The following LTC4S variants were observed in gnomAD, a reference collection of about 807,000 sequenced individuals.
LTC4S encodes the protein LTC4 synthase.
A neutral mutation model predicts 19.6 loss-of-function variants in LTC4S; 18 were observed. The observed-to-expected ratio is 0.92, with a 90% confidence interval of 0.64 to 1.36. LTC4S has a LOEUF of 1.36. LTC4S is among the 40% of genes most tolerant of loss of function. The probability of loss-of-function intolerance (pLI) is 0.00; values close to 1 mark genes in which losing one functional copy is unlikely to be tolerated. For missense variants in LTC4S, 235 were observed against 212.2 expected (o/e 1.11, Z -0.67); for synonymous variants, 126 against 110.1 (o/e 1.14, Z -0.91).
intron 4 of LTC4S, 108 bp downstream of exon 4, chr5:179,796,130 C>A (rs1756614777): frequency 1.6e-6 from 2 of 1,270,800 alleles, no homozygotes; most frequent in East Asian, 3.0e-5. Flanking sequence ...CGGAGCCCAG[C>A]GCCTTTGGGG....
rs201270274 is a variant in LTC4S at position 179,795,601 on chromosome 5, G to T, written c.76G>T (p.Val26Leu). Reference protein sequence around the residue: ...VLLQAYFSLQVISARRAFRVS... With the variant: ...VLLQAYFSLQLISARRAFRVS... Reference sequence around the variant, plus strand: ...TCCCCCAGCCTACTTCTCCCTGCAGGTGATCTCGGCGCGCAGGGCCTTCCG... The same window carrying T: ...TCCCCCAGCCTACTTCTCCCTGCAGTTGATCTCGGCGCGCAGGGCCTTCCG... The change falls in exon 2 of 5, where the codon GTG becomes TTG. Residue 26 changes from valine to leucine, a missense_variant. Physicochemically the swap from Val to Leu is conservative, Grantham distance 32 (BLOSUM62 1). Transcript: ENST00000292596. 287 of 1,610,296 alleles carry T rather than the reference G, an allele frequency of 1.8e-4. No homozygotes were observed. In the African/African-American group the frequency reaches 3.3e-3, roughly 19 times the overall value.
In LTC4S at chr5:179,795,860, G is replaced by C. The variant is rs1160899822; in HGVS notation, c.229+4G>C. 1 of 1,605,462 alleles carries C rather than the reference G, an allele frequency of 6.2e-7. No individual in the cohort carries two copies. The highest frequency in any genetic ancestry group is 1.1e-5 in the South Asian group (1 of 90,414). ...GCCGGCATCTTCTTTCATGAAGGTC[G>C]GGGTGTGGGGCAGGGGCGCACGCGC... is the stretch of plus-strand genomic sequence containing the variant. On this transcript the variant is annotated splice_donor_region_variant and intron_variant, in intron 3 of 4. Coordinates refer to ENST00000292596, the MANE Select transcript of LTC4S (RefSeq NM_145867.2).
In LTC4S at chr5:179,795,687, A is replaced by C. The variant is rs376751526; in HGVS notation, c.158+4A>C. 2.1e-5 allele frequency: 34 copies of C among 1,594,276 alleles called. No homozygotes were observed. The highest frequency in any genetic ancestry group is 1.8e-4 in the African/African-American group (13 of 74,014). ...TCGAGCGCGTCTACCGAGCCCAGTGAGGCGCGGCGGGAGGGCGCGGGGCGG... is the reference window on the plus strand; with the variant it reads ...TCGAGCGCGTCTACCGAGCCCAGTGCGGCGCGGCGGGAGGGCGCGGGGCGG... On this transcript the variant is annotated splice_donor_region_variant and intron_variant, in intron 2 of 4. Coordinates refer to ENST00000292596, the MANE Select transcript of LTC4S (RefSeq NM_145867.2).
In LTC4S at chr5:179,794,038, G is replaced by A; in HGVS notation, c.-43G>A. ...AGCAGACGGGGCTAAGCGTTCCCCA[G>A]CTCGCCTTCACACACAGCCCGTGCC... On this transcript the variant is annotated 5_prime_UTR_variant, in exon 1 of 5. Coordinates refer to ENST00000292596, the MANE Select transcript of LTC4S (RefSeq NM_145867.2). The A allele has an allele frequency of 6.2e-7, 1 of 1,613,130 alleles. No homozygotes were observed. Among genetic ancestry groups the A allele is most frequent in the Non-Finnish European group, 8.5e-7 (1 of 1,179,784 alleles).
chr5:179,795,894 C>A, intron 3 of LTC4S, 38 bp downstream of exon 3: 1 of 1,594,132 alleles, frequency 6.3e-7, no homozygotes, highest in Non-Finnish European at 8.5e-7. Flanking sequence ...GCTGGACCCC[C>A]GGGACCCGCG....
chr5:179,795,489 G>A (rs902568532), intron 1 of LTC4S, 95 bp from the exon 2 acceptor site: 13 of 1,530,864 alleles, frequency 8.5e-6, no homozygotes, highest in East Asian at 2.5e-5. Context: ...GAGAGGACAC[G>A]GCCAAGTGAA....
chr5:179,795,326 C>T, intron 1 of LTC4S: 1 of 1,360,272 alleles, frequency 7.4e-7, no homozygotes, highest in East Asian at 2.9e-5. Flanking sequence ...CTCACCCTCC[C>T]CCATACACTC....
rs1018165880 is a variant in LTC4S, at chr5:179,795,941, G to A, written c.230G>A (p.Gly77Glu). ...LWVAGIFFHE[G>E]AAALCGLVYL... ...CCAGGCCCGTGCGTACCTCTCGCAG[G>A]GGCGGCGGCCCTGTGCGGCCTGGTC... The change falls in exon 4 of 5, where the codon GGG (glycine) becomes GAG (glutamate). Residue 77 changes from glycine (G) to glutamate (E), a missense_variant and splice_region_variant. Coordinates refer to ENST00000292596, the MANE Select transcript of LTC4S (RefSeq NM_145867.2). 5.7e-6 allele frequency: 9 copies of A among 1,565,318 alleles called. No homozygotes were observed. Among genetic ancestry groups the A allele is most frequent in the Non-Finnish European group, 7.8e-6 (9 of 1,160,700 alleles).
chr5:179,796,604 G>C lies in LTC4S; in HGVS notation c.*210G>C, dbSNP rs961523932. On this transcript the variant is annotated 3_prime_UTR_variant, in exon 5 of 5. Transcript: ENST00000292596. Reference sequence around the variant, plus strand: ...GCCCGAGTCCGGGCAGCCCGGGGCGGGCTTCCTAGTGGCGGCGTGAGAGTG... The same window carrying C: ...GCCCGAGTCCGGGCAGCCCGGGGCGCGCTTCCTAGTGGCGGCGTGAGAGTG... 9 of 666,928 alleles carry C rather than the reference G, an allele frequency of 1.3e-5. No homozygotes were observed. In the African/African-American group the frequency reaches 1.7e-4, roughly 13 times the overall value. 41.3% of individuals were successfully genotyped at this position (666,928 alleles called of 1,614,324 possible). A position where few individuals can be genotyped will look rare whatever the true frequency, so the allele number is the denominator to read the frequency against.
At chr5:179,795,720 G>A in intron 2 of LTC4S, 37 bp downstream of exon 2, 4 of 1,567,422 alleles carry the variant, frequency 2.6e-6, no homozygotes, top group Non-Finnish European at 3.5e-6. Flanking sequence ...CGGGGAGCGA[G>A]CCCCAGGCGG....
In LTC4S at chr5:179,795,571, C is replaced by G; in HGVS notation, c.59-13C>G. 1 of 1,604,084 alleles carries G rather than the reference C, an allele frequency of 6.2e-7. No individual in the cohort carries two copies. The highest frequency in any genetic ancestry group is 8.5e-7 in the Non-Finnish European group (1 of 1,175,934). ...GTGTCCAGACCTGACTCCCGCTCCCCCTCCTCCCCCAGCCTACTTCTCCCT... is the reference window on the plus strand; with the variant it reads ...GTGTCCAGACCTGACTCCCGCTCCCGCTCCTCCCCCAGCCTACTTCTCCCT... On this transcript the variant is annotated splice_polypyrimidine_tract_variant and intron_variant, in intron 1 of 4. Transcript: ENST00000292596.
rs549036217 is a variant in LTC4S, at chr5:179,795,961, C to T, written c.250C>T (p.Leu84=). 10 of 1,551,026 alleles carry T rather than the reference C, an allele frequency of 6.4e-6. No homozygotes were observed. Among genetic ancestry groups the T allele is most frequent in the East Asian group, 2.4e-5 (1 of 42,090 alleles). ...CGCAGGGGCGGCGGCCCTGTGCGGC[C>T]TGGTCTACCTGTTCGCGCGCCTCCG... is the stretch of plus-strand genomic sequence containing the variant. ...FHEGAAALCG[L]VYLFARLRYF... is the part of the protein sequence containing the mutation. The change falls in exon 4 of 5, where the codon CTG becomes TTG. Residue 84 remains leucine, a synonymous_variant. Coordinates refer to ENST00000292596, the MANE Select transcript of LTC4S (RefSeq NM_145867.2).
intron 1 of LTC4S, chr5:179,795,305 T>G: frequency 1.7e-6 from 2 of 1,203,126 alleles, no homozygotes; most frequent in Non-Finnish European, 2.2e-6. Flanking sequence ...GGTGTCCCTG[T>G]GCCTGAATCA....
Position 179,796,337 on chromosome 5 carries a change from G to T in LTC4S, c.396G>T (p.Pro132=), listed in dbSNP as rs770355069. Residue 132 remains proline, a synonymous_variant, in exon 5 of 5, where the codon CCG becomes CCT. Coordinates refer to ENST00000292596, the MANE Select transcript of LTC4S (RefSeq NM_145867.2). ...TCGGCCTGCTCGCCCACTTCCTCCC[G>T]GCCGCGCTGCGCGCCGCGCTCCTCG... ...AALGLLAHFL[P]AALRAALLGR... 7.4e-6 allele frequency: 11 copies of T among 1,488,614 alleles called. No individual in the cohort carries two copies. Among genetic ancestry groups the T allele is most frequent in the Non-Finnish European group, 9.8e-6 (11 of 1,127,038 alleles). The allele number at this position is 1,488,614 out of a possible 1,614,324, so 92.2% of individuals were successfully genotyped here. A position where few individuals can be genotyped will look rare whatever the true frequency, so the allele number is the denominator to read the frequency against.
At position 179,796,454 on chromosome 5, in the gene LTC4S, G is replaced by A. The variant is rs1198364659; in HGVS notation, c.*60G>A. ...AAGAGCCGGAGCCTCCAGCTGCCCC[G>A]GGGAGGGGCGCTCGCTTCCGCATCC... is the stretch of plus-strand genomic sequence containing the variant. On this transcript the variant is annotated 3_prime_UTR_variant, in exon 5 of 5. Coordinates refer to ENST00000292596, the MANE Select transcript of LTC4S (RefSeq NM_145867.2). The A allele has an allele frequency of 4.9e-6, 7 of 1,425,618 alleles. No homozygotes were observed. The highest frequency in any genetic ancestry group is 3.0e-5 in the African/African-American group (2 of 66,144). The allele number at this position is 1,425,618 out of a possible 1,614,324, so 88.3% of individuals were successfully genotyped here.
At chr5:179,796,232 C>G (rs1229436649) in intron 4 of LTC4S, 21 bp from the exon 5 acceptor site, 5 of 1,445,514 alleles carry the variant, frequency 3.5e-6, no homozygotes, top group African/African-American at 1.5e-5. Flanking sequence ...GCGCCACCTC[C>G]CCGCTGACCG....
chr5:179,796,433 G>GCCGGAGCCTCCAGCTGCC lies in LTC4S; in HGVS notation c.*44_*61dup. 6.8e-7 allele frequency: 1 copy of GCCGGAGCCTCCAGCTGCC among 1,464,910 alleles called. No individual in the cohort carries two copies. The highest frequency in any genetic ancestry group is 9.0e-7 in the Non-Finnish European group (1 of 1,112,890). 90.7% of individuals were successfully genotyped at this position (1,464,910 alleles called of 1,614,324 possible). On this transcript the variant is annotated 3_prime_UTR_variant, in exon 5 of 5. Coordinates refer to ENST00000292596, the MANE Select transcript of LTC4S (RefSeq NM_145867.2). ...GGGCCGACGGAGCCGGGAAAGAAGAGCCGGAGCCTCCAGCTGCCCCGGGGA... is the reference window on the plus strand; with the variant it reads ...GGGCCGACGGAGCCGGGAAAGAAGAGCCGGAGCCTCCAGCTGCCCCGGAGCCTCCAGCTGCCCCGGGGA...
At position 179,796,505 on chromosome 5, in the gene LTC4S, G is replaced by C. The variant is rs928006188; in HGVS notation, c.*111G>C. 2 of 1,332,036 alleles carry C rather than the reference G, an allele frequency of 1.5e-6. No homozygotes were observed. Among genetic ancestry groups the C allele is most frequent in the Admixed American group, 7.8e-5 (2 of 25,566 alleles). The allele number at this position is 1,332,036 out of a possible 1,614,324, so 82.5% of individuals were successfully genotyped here. On this transcript the variant is annotated 3_prime_UTR_variant, in exon 5 of 5. Coordinates refer to ENST00000292596, the MANE Select transcript of LTC4S (RefSeq NM_145867.2). ...TAGTCTCTATCATTAAAGTTCTAGT[G>C]ACCGAGACCCGGGCTGCGTTCTCTG...
Position 179,796,334 on chromosome 5 carries a change from C to T in LTC4S, c.393C>T (p.Leu131=), listed in dbSNP as rs1756624787. Residue 131 remains leucine, a synonymous_variant, in exon 5 of 5, where the codon CTC becomes CTT. Transcript: ENST00000292596. ...CGCTCGGCCTGCTCGCCCACTTCCTCCCGGCCGCGCTGCGCGCCGCGCTCC... is the reference window on the plus strand; with the variant it reads ...CGCTCGGCCTGCTCGCCCACTTCCTTCCGGCCGCGCTGCGCGCCGCGCTCC... ...LAALGLLAHF[L]PAALRAALLG... is the part of the protein sequence containing the mutation. 2.7e-6 allele frequency: 4 copies of T among 1,487,928 alleles called. No homozygotes were observed. The South Asian group carries it at 3.8e-5, about 14-fold the overall frequency. 92.2% of individuals were successfully genotyped at this position (1,487,928 alleles called of 1,614,324 possible).
Sources: allele counts gnomAD v4.1 joint callset, GRCh38; gene constraint gnomAD v4.1.1; transcripts MANE v1.5; gene names NCBI Gene and HGNC (gene_info 2026-07-23, HGNC 2026-07-21).